The following TCERG1L variants were observed in gnomAD, a reference collection of about 807,000 sequenced individuals.
TCERG1L encodes the protein transcription elongation regulator 1-like protein.
TCERG1L carries 37 observed loss-of-function variants against 56.3 expected under a neutral mutation model. That is an observed-to-expected ratio of 0.66 (90% CI 0.51 to 0.87). TCERG1L has a LOEUF of 0.87. Ranked by LOEUF, TCERG1L falls within the 40% of genes least tolerant of loss-of-function variation. The pLI, the probability that TCERG1L is intolerant of heterozygous loss-of-function variation, is 0.00. For missense variants in TCERG1L, 799 were observed against 774.2 expected, an observed-to-expected ratio of 1.03 and a Z score of -0.38; for synonymous variants, 324 against 326.3, an observed-to-expected ratio of 0.99 and a Z score of 0.08.
chr10:131,289,231 GAGCGTCACGT>G (rs1846580368), intron 3 of TCERG1L, among the ~76,000 whole-genome samples: 3 of 151,370 alleles, frequency 2.0e-5, no homozygotes, highest in African/African-American at 7.3e-5. Context: ...TTCATTTCGT[GAGCGTCACGT>G]GACGGAGAAG....
intron 4 of TCERG1L, among the ~76,000 whole-genome samples, chr10:131,230,264 G>A (rs1400134443): frequency 2.6e-5 from 4 of 152,276 alleles, no homozygotes; most frequent in Admixed American, 2.6e-4. Flanking sequence ...AGAGGCAGCT[G>A]TGAGCTGCTT....
chr10:131,253,760 A>G (rs1016302029), intron 4 of TCERG1L, among the ~76,000 whole-genome samples: 3 of 152,144 alleles, frequency 2.0e-5, no homozygotes, highest in Non-Finnish European at 4.4e-5. Flanking sequence ...ACCACAGTGC[A>G]CAGGTGTGGC....
intron 4 of TCERG1L, among the ~76,000 whole-genome samples, chr10:131,201,503 G>A (rs755377807): frequency 1.9e-4 from 29 of 152,306 alleles, no homozygotes; most frequent in Admixed American, 9.2e-4. Context: ...TTATGGACCC[G>A]TCACTGCCAA....
intron 6 of TCERG1L, among the ~76,000 whole-genome samples, chr10:131,158,058 C>A (rs1845941785): frequency 1.3e-5 from 2 of 152,240 alleles, no homozygotes; most frequent in South Asian, 4.1e-4. Flanking sequence ...CAAGGAGGCC[C>A]TGCGTCTGGC....
At position 131,120,936 on chromosome 10, in the gene TCERG1L, A is replaced by T. The variant is rs867715781; in HGVS notation, c.1260-4002T>A. Among the ~76,000 whole-genome samples, 9 of 152,324 alleles carry T rather than the reference A, an allele frequency of 5.9e-5. No homozygotes were observed. In the South Asian group the frequency reaches 1.2e-3, roughly 21 times the overall value. On this transcript the variant is annotated intron_variant, in intron 8 of 11. Transcript: ENST00000368642. ...GGAACAAGGAGCTCCTCACTGCCCA[A>T]GGAGCTTACAGTCCAGTGGGACATG...
intron 9 of TCERG1L, among the ~76,000 whole-genome samples, chr10:131,107,963 A>ACT: frequency 7.2e-6 from 1 of 139,424 alleles, no homozygotes; most frequent in South Asian, 2.2e-4. Context: ...GCCTACACAC[A>ACT]CACACACACA....
At chr10:131,310,207 T>TA (rs1453702298) in intron 1 of TCERG1L, among the ~76,000 whole-genome samples, 1 of 152,198 alleles carries the variant, frequency 6.6e-6, no homozygotes, top group Non-Finnish European at 1.5e-5. Context: ...AAGCAGAATT[T>TA]AAAAAATGTA....
rs557937138 is a variant in TCERG1L, at chr10:131,260,365, G to A, written c.750C>T (p.Ser250=). ...GGCCCCGGAGGTTCTCAGGGTCCAC[G>A]GAGACCATGGCAGCGGCGGCGGCGG... is the stretch of plus-strand genomic sequence containing the variant. ...IATAAAAAMV[S]VDPENLRGPS... is the part of the protein sequence containing the mutation. The change falls in exon 4 of 12, where the codon TCC becomes TCT. Residue 250 remains serine, a synonymous_variant. Transcript: ENST00000368642. This position sits in a 1 kb window ranked among gnomAD's most constrained non-coding sequence, Gnocchi z 5.8. The A allele has an allele frequency of 1.8e-5, 27 of 1,498,734 alleles. No individual in the cohort carries two copies. The highest frequency in any genetic ancestry group is 1.1e-4 in the East Asian group (4 of 36,794). 92.8% of individuals were successfully genotyped at this position (1,498,734 alleles called of 1,614,324 possible).
At chr10:131,220,209 G>A (rs971807355) in intron 4 of TCERG1L, among the ~76,000 whole-genome samples, 1 of 152,178 alleles carries the variant, frequency 6.6e-6, no homozygotes, top group Non-Finnish European at 1.5e-5. Context: ...TGGCTCTCGG[G>A]CCTATTGCCC....
intron 2 of TCERG1L, 121 bp from the exon 3 acceptor site, chr10:131,308,512 G>T: frequency 1.2e-6 from 1 of 804,562 alleles, no homozygotes. Flanking sequence ...TATTATTGGG[G>T]ACTCTATAAA....
intron 4 of TCERG1L, among the ~76,000 whole-genome samples, chr10:131,253,861 T>C (rs950633203): frequency 2.6e-5 from 4 of 152,052 alleles, no homozygotes; most frequent in African/African-American, 9.7e-5. Context: ...TGAATAGATA[T>C]GGGAGGATCC....
intron 4 of TCERG1L, among the ~76,000 whole-genome samples, chr10:131,221,596 G>A (rs920478770): frequency 6.6e-6 from 1 of 152,208 alleles, no homozygotes; most frequent in Non-Finnish European, 1.5e-5. Flanking sequence ...TTTTAAAGGT[G>A]CCAGGTGTAT....
At chr10:131,253,161 A>C (rs765956341) in intron 4 of TCERG1L, among the ~76,000 whole-genome samples, 1 of 152,152 alleles carries the variant, frequency 6.6e-6, no homozygotes, top group Non-Finnish European at 1.5e-5. Context: ...TCTCTTCAGC[A>C]CCAGGAGCCC....
chr10:131,279,639 GGAGA>G (rs533486554), intron 3 of TCERG1L, among the ~76,000 whole-genome samples: 2 of 152,322 alleles, frequency 1.3e-5, no homozygotes, highest in South Asian at 4.1e-4. Context: ...GAAAAACAAA[GGAGA>G]GAGAAAGCTG....
At position 131,267,628 on chromosome 10, in the gene TCERG1L, G is replaced by A. The variant is rs745440374; in HGVS notation, c.671-7184C>T. 4.5e-4 allele frequency among the ~76,000 whole-genome samples: 69 copies of A among 152,226 alleles called. No homozygotes were observed. Among genetic ancestry groups the A allele is most frequent in the Non-Finnish European group, 9.1e-4 (62 of 68,046 alleles). On this transcript the variant is annotated intron_variant, in intron 3 of 11. Transcript: ENST00000368642. The surrounding 1 kb of genome is among the most constrained non-coding windows in gnomAD (Gnocchi z 4.9). The stretch of plus-strand genomic sequence containing the variant: ...ATGAGTCCTGGCTGCAACTTTGGCC[G>A]GGTGCTTATGGGCTCCCAGGACATG...
chr10:131,262,843 G>T (rs1300811316), intron 3 of TCERG1L, among the ~76,000 whole-genome samples: 1 of 151,956 alleles, frequency 6.6e-6, no homozygotes, highest in Non-Finnish European at 1.5e-5. Context: ...CCTCCCCCTA[G>T]CCCCTGGCAG....
intron 8 of TCERG1L, among the ~76,000 whole-genome samples, chr10:131,120,847 C>T (rs1398909713): frequency 6.6e-6 from 1 of 152,174 alleles, no homozygotes; most frequent in Non-Finnish European, 1.5e-5. Context: ...TTCACTCCTT[C>T]CCTCCCTCTC....
chr10:131,270,918 C>A (rs1445633677), intron 3 of TCERG1L, among the ~76,000 whole-genome samples: 1 of 152,214 alleles, frequency 6.6e-6, no homozygotes, highest in East Asian at 1.9e-4. Flanking sequence ...CCCACACTGG[C>A]TGAAGTCGTG....
chr10:131,284,122 TC>T, intron 3 of TCERG1L, among the ~76,000 whole-genome samples: 1 of 28,480 alleles, frequency 3.5e-5, no homozygotes, highest in Admixed American at 4.8e-4. Flanking sequence ...CAAGACCACA[TC>T]TCAAAAAAAA....
Sources: allele counts gnomAD v4.1 joint callset (sites outside exome capture counted in the v4.1 genomes callset), GRCh38; gene constraint gnomAD v4.1.1; non-coding constraint Gnocchi (gnomAD v3.1); transcripts MANE v1.5; gene names NCBI Gene and HGNC (gene_info 2026-07-23, HGNC 2026-07-21).